The following ASXL3 variants were observed in gnomAD, a reference collection of about 807,000 sequenced individuals.
ASXL3 encodes ASXL transcriptional regulator 3, also known as putative Polycomb group protein ASXL3.
ASXL3 carries 34 observed loss-of-function variants against 170.6 expected under a neutral mutation model. The ratio of observed to expected loss-of-function variants is 0.20; its 90% CI spans 0.15 to 0.27. The LOEUF is 0.27. Among genes scored for constraint, ASXL3 ranks in the 10% least tolerant of loss-of-function variants. ASXL3 has a pLI of 1.00. For missense variants in ASXL3, 2,592 were observed against 2,695.3 expected (o/e 0.96, Z 0.85); for synonymous variants, 1,002 against 989.1 (o/e 1.01, Z -0.24).
chr18:33,722,388 T>C (rs907805571), intron 8 of ASXL3, among the ~76,000 whole-genome samples: 4 of 152,176 alleles, frequency 2.6e-5, no homozygotes, highest in Admixed American at 6.6e-5. Context: ...AAAGTGCTAC[T>C]GCACTGAACA....
chr18:33,661,560 G>A, intron 4 of ASXL3, 56 bp from the exon 5 acceptor site: 2 of 1,511,480 alleles, frequency 1.3e-6, no homozygotes, highest in African/African-American at 1.4e-5. Flanking sequence ...TGTAATTACA[G>A]TGGATATAAA....
In ASXL3 at chr18:33,713,229, GTTTTTTTTGTTTTGTTTTGTTTTTT is replaced by G. The variant is rs1327097057; in HGVS notation, c.880-18730_880-18706del. Reference sequence around the variant, plus strand: ...GCAGTTAGCAATCTACCACAAGAAGGTTTTTTTTGTTTTGTTTTGTTTTTTTTTTTTTTTTTTTTTTTTTTGAGAC... The same window carrying G: ...GCAGTTAGCAATCTACCACAAGAAGGTTTTTTTTTTTTTTTTTTTTGAGAC... On this transcript the variant is annotated intron_variant, in intron 8 of 11. Transcript: ENST00000269197. 1.7e-3 allele frequency among the ~76,000 whole-genome samples: 135 copies of G among 81,768 alleles called. 16 individuals are homozygous for G. The highest frequency in any genetic ancestry group is 8.4e-3 in the East Asian group (13 of 1,544). 53.6% of individuals were successfully genotyped at this position (81,768 alleles called of 152,430 possible). A position where few individuals can be genotyped will look rare whatever the true frequency, so the allele number is the denominator to read the frequency against.
At position 33,720,381 on chromosome 18, in the gene ASXL3, A is replaced by G. The variant is rs571469680; in HGVS notation, c.880-11587A>G. The stretch of plus-strand genomic sequence containing the variant: ...ATTCATTGATTCCCACTACATTATA[A>G]CATAACCTTATTTTATCTATACAAG... On this transcript the variant is annotated intron_variant, in intron 8 of 11. Transcript: ENST00000269197. Among the ~76,000 whole-genome samples, 50 of 152,178 alleles carry G rather than the reference A, an allele frequency of 3.3e-4. No homozygotes were observed. In the South Asian group the frequency reaches 6.4e-3, roughly 20 times the overall value.
chr18:33,661,946 A>G (rs977549187), intron 5 of ASXL3, among the ~76,000 whole-genome samples: 3 of 152,110 alleles, frequency 2.0e-5, no homozygotes, highest in Admixed American at 6.6e-5. Context: ...GTAAAATAGA[A>G]GAAGGAATAT....
Position 33,640,967 on chromosome 18 carries a change from TAAC to T in ASXL3, c.138-3924_138-3922del, listed in dbSNP as rs200275262. 4.6e-3 allele frequency among the ~76,000 whole-genome samples: 694 copies of T among 152,024 alleles called. 8 individuals are homozygous for T. Among genetic ancestry groups the T allele is most frequent in the Non-Finnish European group, 2.7e-3 (183 of 67,930 alleles). On this transcript the variant is annotated intron_variant, in intron 2 of 11. Coordinates refer to ENST00000269197, the MANE Select transcript of ASXL3 (RefSeq NM_030632.3). ...TACATCTGAAATTTTTATTAAGACA[TAAC>T]AATATAATAAAATAGTTTAATATAT...
intron 2 of ASXL3, among the ~76,000 whole-genome samples, chr18:33,611,033 C>T (rs1006219784): frequency 6.6e-5 from 10 of 151,968 alleles, no homozygotes; most frequent in South Asian, 4.1e-4. Context: ...TGAATGTGTT[C>T]GTTATATATG....
At chr18:33,581,974 C>T (rs538726349) in intron 1 of ASXL3, among the ~76,000 whole-genome samples, 13 of 152,274 alleles carry the variant, frequency 8.5e-5, no homozygotes, top group Non-Finnish European at 1.8e-4. Context: ...GCAGAAATTT[C>T]AGGCTTTAGC....
At chr18:33,686,402 T>C (rs1433296321) in intron 8 of ASXL3, among the ~76,000 whole-genome samples, 1 of 152,190 alleles carries the variant, frequency 6.6e-6, no homozygotes, top group Non-Finnish European at 1.5e-5. Context: ...TAGAATCACA[T>C]AAATGTCATA....
At chr18:33,741,694 A>C (rs1329317801) in intron 11 of ASXL3, among the ~76,000 whole-genome samples, 4 of 152,208 alleles carry the variant, frequency 2.6e-5, no homozygotes, top group Admixed American at 2.6e-4. Flanking sequence ...CCAAAGCATA[A>C]TTCTAAATTG....
intron 5 of ASXL3, among the ~76,000 whole-genome samples, chr18:33,665,762 T>A (rs189945710): frequency 6.0e-4 from 91 of 152,312 alleles, no homozygotes; most frequent in African/African-American, 2.2e-3. Context: ...TAAAGGTTTT[T>A]TTTTTCTCTT....
At position 33,716,895 on chromosome 18, in the gene ASXL3, G is replaced by T. The variant is rs748331100; in HGVS notation, c.880-15073G>T. Among the ~76,000 whole-genome samples the T allele has an allele frequency of 5.9e-3, 441 of 75,210 alleles. 1 individual carries two copies. Among genetic ancestry groups the T allele is most frequent in the Middle Eastern group, 0.01 (2 of 198 alleles). 49.3% of individuals were successfully genotyped at this position (75,210 alleles called of 152,430 possible). On this transcript the variant is annotated intron_variant, in intron 8 of 11. Transcript: ENST00000269197. Reference sequence around the variant, plus strand: ...GATTGCAAGAAATGGAGATTTGCTGGTTAAAAAAAAAAAAAAAGTAATTGA... The same window carrying T: ...GATTGCAAGAAATGGAGATTTGCTGTTTAAAAAAAAAAAAAAAGTAATTGA...
At chr18:33,646,194 T>C in intron 3 of ASXL3, 51 bp from the exon 4 acceptor site, 2 of 1,408,270 alleles carry the variant, frequency 1.4e-6, no homozygotes, top group South Asian at 2.4e-5. Context: ...TGAATGTTTT[T>C]AGTTGCTAAT....
chr18:33,634,783 C>T (rs568624126), intron 2 of ASXL3, among the ~76,000 whole-genome samples: 1 of 152,258 alleles, frequency 6.6e-6, no homozygotes, highest in Non-Finnish European at 1.5e-5. Context: ...AAAATGTTAG[C>T]TTATCAACAA....
In ASXL3 at chr18:33,743,978, C is replaced by G; in HGVS notation, c.4130C>G (p.Pro1377Arg). The G allele has an allele frequency of 4.3e-6, 7 of 1,614,002 alleles. No homozygotes were observed. Among genetic ancestry groups the G allele is most frequent in the East Asian group, 2.2e-5 (1 of 44,878 alleles). ...TTTCCTTCTGAGAAGATAGCCATAC[C>G]TGGGAGTGAAGAACAGGCCACTGTA... is the stretch of plus-strand genomic sequence containing the variant. The part of the protein sequence containing the change: ...NRFPSEKIAI[P>R]GSEEQATVSM... Residue 1377 changes from proline (P) to arginine (R), a missense_variant, in exon 12 of 12, where the codon CCT (proline) becomes CGT (arginine). Around this residue, in one of 4 missense-constraint regions of ASXL3, gnomAD observed 2,246 missense variants for 2,219.6 expected, o/e 1.01. Coordinates refer to ENST00000269197, the MANE Select transcript of ASXL3 (RefSeq NM_030632.3).
At chr18:33,669,031 A>C (rs756944132) in intron 5 of ASXL3, among the ~76,000 whole-genome samples, 17 of 152,152 alleles carry the variant, frequency 1.1e-4, no homozygotes, top group Middle Eastern at 3.2e-3. Flanking sequence ...TTGTTTTGTG[A>C]AGTCTTACAT....
rs2067617304 is a variant in ASXL3, at chr18:33,739,537, T to C, written c.2133T>C (p.Pro711=). The change falls in exon 11 of 12, where the codon CCT becomes CCC. Residue 711 remains proline, a synonymous_variant. Transcript: ENST00000269197. The part of the protein sequence containing the change: ...TSEASPVSNL[P]LTSETSPMSD... Reference sequence around the variant, plus strand: ...AAGCATCACCAGTATCCAACTTACCTTTAACATCAGAAACCTCACCGATGT... The same window carrying C: ...AAGCATCACCAGTATCCAACTTACCCTTAACATCAGAAACCTCACCGATGT... 6.2e-7 allele frequency: 1 copy of C among 1,613,846 alleles called. No individual in the cohort carries two copies. The highest frequency in any genetic ancestry group is 1.1e-5 in the South Asian group (1 of 91,086).
At position 33,739,186 on chromosome 18, in the gene ASXL3, A is replaced by G; in HGVS notation, c.1782A>G (p.Leu594=). 1 of 1,613,892 alleles carries G rather than the reference A, an allele frequency of 6.2e-7. No individual in the cohort carries two copies. Among genetic ancestry groups the G allele is most frequent in the African/African-American group, 1.3e-5 (1 of 75,068 alleles). Residue 594 remains leucine (L), a synonymous_variant, in exon 11 of 12, where the codon CTA becomes CTG. Transcript: ENST00000269197. ...AAGGAATTGCTATAGATATGGAGCT[A>G]CAGAGTGACCCTGAAGAACAGCTTT... is the stretch of plus-strand genomic sequence containing the variant. ...PNEGIAIDME[L]QSDPEEQLSE...
In ASXL3 at chr18:33,743,242, C is replaced by T. The variant is rs2067696835; in HGVS notation, c.3394C>T (p.Pro1132Ser). 6.2e-7 allele frequency: 1 copy of T among 1,613,844 alleles called. No individual in the cohort carries two copies. Among genetic ancestry groups the T allele is most frequent in the South Asian group, 1.1e-5 (1 of 91,090 alleles). Residue 1132 changes from proline to serine, a missense_variant, in exon 12 of 12, where the codon CCG becomes TCG. Around this residue, in one of 4 missense-constraint regions of ASXL3, gnomAD observed 2,246 missense variants for 2,219.6 expected, o/e 1.01. Transcript: ENST00000269197. Reference sequence around the variant, plus strand: ...CTCTAAAGAGACCCGGTTGCCTCCTCCGCTCAGCTCAAAGGAAGGGCCTCC... The same window carrying T: ...CTCTAAAGAGACCCGGTTGCCTCCTTCGCTCAGCTCAAAGGAAGGGCCTCC... ...QTSKETRLPPPLSSKEGPPNL... is the reference protein window; with the variant it reads ...QTSKETRLPPSLSSKEGPPNL...
chr18:33,696,329 G>C (rs1035846897), intron 8 of ASXL3, among the ~76,000 whole-genome samples: 1 of 152,120 alleles, frequency 6.6e-6, no homozygotes, highest in Non-Finnish European at 1.5e-5. Context: ...GTGTAATGAC[G>C]TTTGAACTTC....
Sources: gnomAD v4.1 joint callset for allele counts (sites outside exome capture counted in the v4.1 genomes callset) on GRCh38, gnomAD v4.1.1 for gene constraint, gnomAD v4.1.1 regional missense constraint, MANE v1.5 for transcripts, NCBI Gene and HGNC (gene_info 2026-07-23, HGNC 2026-07-21) for gene names.